Variants in UTP4 observed in about 807,000 individuals in gnomAD.
UTP4 encodes the protein UTP4 small subunit processome component.
UTP4 carries 45 observed loss-of-function variants against 82.4 expected under a neutral mutation model. That is an observed-to-expected ratio of 0.55 (90% CI 0.43 to 0.70). The LOEUF (loss-of-function observed/expected upper bound fraction) is 0.70. Among genes scored for constraint, UTP4 ranks in the 30% least tolerant of loss-of-function variants. The pLI, the probability that UTP4 is intolerant of heterozygous loss-of-function variation, is 0.00. For synonymous variants in UTP4, 348 were observed against 300.3 expected (o/e 1.16, Z -1.64); for missense variants, 819 against 858.3 (o/e 0.95, Z 0.57).
At chr16:69,161,256 G>T (rs1420353919) in intron 13 of UTP4, among the ~76,000 whole-genome samples, 1 of 152,216 alleles carries the variant, frequency 6.6e-6, no homozygotes, top group Non-Finnish European at 1.5e-5. Context: ...TGAGTCATTA[G>T]TGATCCCTTA....
At chr16:69,159,826 A>G (rs1198201046) in intron 12 of UTP4, among the ~76,000 whole-genome samples, 1 of 152,136 alleles carries the variant, frequency 6.6e-6, no homozygotes, top group Non-Finnish European at 1.5e-5. Context: ...CATCTCTACT[A>G]AAAATACAAA....
intron 4 of UTP4, among the ~76,000 whole-genome samples, chr16:69,138,235 C>CTTTTTTTTT (rs535515310): frequency 1.4e-5 from 2 of 139,328 alleles, no homozygotes; most frequent in Non-Finnish European, 3.1e-5. Flanking sequence ...TCTTTTCTTT[C>CTTTTTTTTT]TTTTTTTTTT....
At chr16:69,153,866 A>G (rs1216887890) in intron 9 of UTP4, among the ~76,000 whole-genome samples, 186 bp downstream of exon 9, 2 of 152,168 alleles carry the variant, frequency 1.3e-5, no homozygotes, top group Non-Finnish European at 2.9e-5. Context: ...TTAGCAGGAT[A>G]TTGGATCATC....
At chr16:69,133,889 A>G (rs968089279) in intron 2 of UTP4, among the ~76,000 whole-genome samples, 2 of 152,218 alleles carry the variant, frequency 1.3e-5, no homozygotes, top group African/African-American at 4.8e-5. Context: ...TGGACACAGG[A>G]AGGGAAATTG....
intron 14 of UTP4, among the ~76,000 whole-genome samples, 178 bp downstream of exon 14, chr16:69,163,356 C>T (rs1963612929): frequency 6.6e-6 from 1 of 151,994 alleles, no homozygotes; most frequent in Non-Finnish European, 1.5e-5. Flanking sequence ...CAGCAGTATG[C>T]ATTGGTTTGA....
intron 9 of UTP4, among the ~76,000 whole-genome samples, chr16:69,154,166 A>G (rs559193414): frequency 6.6e-6 from 1 of 152,310 alleles, no homozygotes; most frequent in South Asian, 2.1e-4. Context: ...GCTATGGACT[A>G]GAGCTTCAGG....
At position 69,154,078 on chromosome 16, in the gene UTP4, CTTA is replaced by C. The variant is rs1295464685; in HGVS notation, c.1100-311_1100-309del. On this transcript the variant is annotated intron_variant, in intron 9 of 16. Transcript: ENST00000314423. ...AGTGACAGCCTAGTGGCCTTTTTGA[CTTA>C]TTAAGGAAATGTTTGAGTCCTCTCA... Among the ~76,000 whole-genome samples the C allele has an allele frequency of 2.6e-5, 4 of 152,080 alleles. No homozygotes were observed. The East Asian group carries it at 7.7e-4, about 29-fold the overall frequency.
At chr16:69,160,729 T>C (rs1187461455) in intron 13 of UTP4, among the ~76,000 whole-genome samples, 1 of 151,626 alleles carries the variant, frequency 6.6e-6, no homozygotes, top group Non-Finnish European at 1.5e-5. Flanking sequence ...CCTGAGTAGC[T>C]GGGATTACAG....
chr16:69,133,722 G>T, intron 2 of UTP4, 104 bp downstream of exon 2: 1 of 1,238,562 alleles, frequency 8.1e-7, no homozygotes. Context: ...TGACTTCCTA[G>T]CCCCTCTGAA....
chr16:69,150,109 T>A (rs1376715716), intron 6 of UTP4, among the ~76,000 whole-genome samples: 1 of 152,206 alleles, frequency 6.6e-6, no homozygotes, highest in African/African-American at 2.4e-5. Flanking sequence ...TTTCAGTATT[T>A]TTATTGGTTT....
At chr16:69,148,266 T>G (rs1384909987) in intron 6 of UTP4, among the ~76,000 whole-genome samples, 1 of 151,644 alleles carries the variant, frequency 6.6e-6, no homozygotes, top group African/African-American at 2.4e-5. Flanking sequence ...CAGCCTAATT[T>G]TTGTATTTTT....
At chr16:69,135,134 C>A (rs1962779477) in intron 2 of UTP4, among the ~76,000 whole-genome samples, 1 of 151,772 alleles carries the variant, frequency 6.6e-6, no homozygotes, top group Non-Finnish European at 1.5e-5. Flanking sequence ...TGCTGAACTT[C>A]CAATTTTATG....
At chr16:69,144,886 A>G (rs1342728989) in intron 6 of UTP4, among the ~76,000 whole-genome samples, 4 of 152,200 alleles carry the variant, frequency 2.6e-5, no homozygotes, top group Non-Finnish European at 5.9e-5. Context: ...TCACGCCTGT[A>G]GTCCCAGCAC....
chr16:69,157,373 G>A, intron 12 of UTP4, 133 bp downstream of exon 12: 2 of 883,930 alleles, frequency 2.3e-6, no homozygotes, highest in Non-Finnish European at 1.8e-6. Flanking sequence ...CATGTTTGCT[G>A]TTTCAAGTAG....
chr16:69,140,457 TG>T (rs1962928553), intron 5 of UTP4, among the ~76,000 whole-genome samples: 1 of 152,308 alleles, frequency 6.6e-6, no homozygotes, highest in East Asian at 1.9e-4. Context: ...GGCTCATGCC[TG>T]TAATCCCAGC....
At chr16:69,162,067 A>C (rs1261373224) in intron 13 of UTP4, among the ~76,000 whole-genome samples, 1 of 151,560 alleles carries the variant, frequency 6.6e-6, no homozygotes, top group East Asian at 2.0e-4. Flanking sequence ...TCCTAGGTTC[A>C]AGTGATTCTC....
In UTP4 at chr16:69,168,947, C is replaced by CT. The variant is rs1188795306; in HGVS notation, c.*11dup. The CT allele has an allele frequency of 6.7e-7, 1 of 1,494,676 alleles. No homozygotes were observed. Among genetic ancestry groups the CT allele is most frequent in the African/African-American group, 1.4e-5 (1 of 72,572 alleles). The allele number at this position is 1,494,676 out of a possible 1,614,324, so 92.6% of individuals were successfully genotyped here. A position where few individuals can be genotyped will look rare whatever the true frequency, so the allele number is the denominator to read the frequency against. On this transcript the variant is annotated 3_prime_UTR_variant, in exon 17 of 17. Transcript: ENST00000314423. ...GAAATTTGGAACCTAAAACAGGGCA[C>CT]TGTCTGTGTCCTTCCTTGAACTGTC...
intron 2 of UTP4, 56 bp from the exon 3 acceptor site, chr16:69,136,640 A>C: frequency 6.5e-7 from 1 of 1,546,158 alleles, no homozygotes; most frequent in Non-Finnish European, 8.9e-7. Context: ...GTGACCACTC[A>C]GTACCGGTAC....
intron 14 of UTP4, among the ~76,000 whole-genome samples, chr16:69,164,608 A>G (rs887618481): frequency 2.2e-5 from 3 of 138,466 alleles, no homozygotes; most frequent in Non-Finnish European, 3.2e-5. Context: ...ATATATATAT[A>G]TATATATGTA....
Sources: gnomAD v4.1 joint callset for allele counts (sites outside exome capture counted in the v4.1 genomes callset) on GRCh38, gnomAD v4.1.1 for gene constraint, MANE v1.5 for transcripts, NCBI Gene and HGNC (gene_info 2026-07-23, HGNC 2026-07-21) for gene names.